The following DIP2C variants were observed in gnomAD, a reference collection of about 807,000 sequenced individuals.
The protein encoded by DIP2C is disco-interacting protein 2 homolog C.
A neutral mutation model predicts 192.4 loss-of-function variants in DIP2C; 33 were observed. The ratio of observed to expected loss-of-function variants is 0.17; its 90% confidence interval spans 0.13 to 0.23. The LOEUF (loss-of-function observed/expected upper bound fraction) is 0.23. DIP2C is among the 10% of genes least tolerant of loss of function. DIP2C has a pLI of 1.00. For synonymous variants in DIP2C, 979 were observed against 864.1 expected, an observed-to-expected ratio of 1.13 and a Z score of -2.33; for missense variants, 1,537 against 2,110.1, an observed-to-expected ratio of 0.73 and a Z score of 5.32.
At chr10:629,900 G>C (rs139640879) in intron 1 of DIP2C, 58 of 152,402 alleles carry the variant, frequency 3.8e-4, no homozygotes, top group African/African-American at 1.3e-3. Flanking sequence ...TGGGGTTCTA[G>C]GAAGAGGCCA....
chr10:455,726 C>T (rs369081631), intron 3 of DIP2C, among the ~76,000 whole-genome samples: 26 of 44,408 alleles, frequency 5.9e-4, no homozygotes, highest in Admixed American at 8.4e-4. Flanking sequence ...GAGGGGAGAC[C>T]GTGAGGAATA....
At chr10:431,530 G>A (rs1457374922) in intron 4 of DIP2C, among the ~76,000 whole-genome samples, 1 of 152,090 alleles carries the variant, frequency 6.6e-6, no homozygotes, top group Non-Finnish European at 1.5e-5. Context: ...CAAGTGTTCT[G>A]CCTGCCTTGG....
intron 19 of DIP2C, among the ~76,000 whole-genome samples, 160 bp from the exon 20 acceptor site, chr10:364,742 A>G (rs905565673): frequency 6.6e-6 from 1 of 152,176 alleles, no homozygotes; most frequent in Admixed American, 6.5e-5. Flanking sequence ...CTGGTGGCCA[A>G]CAGTCTTCGA....
chr10:593,170 G>A lies in DIP2C; in HGVS notation c.85+96324C>T, dbSNP rs573329851. Among the ~76,000 whole-genome samples, 4 of 152,080 alleles carry A rather than the reference G, an allele frequency of 2.6e-5. No homozygotes were observed. In the South Asian group the frequency reaches 8.3e-4, roughly 32 times the overall value. ...GGTCTCCTCTGCCGCCTTCCTGCAG[G>A]ACCAACCCCAGGACACTCACTGGGT... is the stretch of plus-strand genomic sequence containing the variant. On this transcript the variant is annotated intron_variant, in intron 1 of 36. Coordinates refer to ENST00000280886, the MANE Select transcript of DIP2C (RefSeq NM_014974.3).
intron 1 of DIP2C, among the ~76,000 whole-genome samples, chr10:598,862 T>C (rs1468175875): frequency 6.6e-6 from 1 of 152,234 alleles, no homozygotes; most frequent in Non-Finnish European, 1.5e-5. Context: ...ATCAATTATT[T>C]TGAAACATCA....
intron 3 of DIP2C, among the ~76,000 whole-genome samples, chr10:469,590 T>C (rs976339995): frequency 6.6e-6 from 1 of 152,220 alleles, no homozygotes; most frequent in Non-Finnish European, 1.5e-5. Context: ...GTGCTGGGAC[T>C]ACAGGCATGA....
intron 32 of DIP2C, among the ~76,000 whole-genome samples, chr10:296,392 G>A (rs1955754240): frequency 6.6e-6 from 1 of 151,888 alleles, no homozygotes; most frequent in Admixed American, 6.6e-5. Flanking sequence ...GAAACAACAG[G>A]TGCTGGAGAG....
At position 418,069 on chromosome 10, in the gene DIP2C, CACTG is replaced by C. The variant is rs1185014417; in HGVS notation, c.739+992_739+995del. ...CAGGGCTTCGATAGGCCTCCCTGTTCACTGCACCTGTCAGGCCTCAGATAGGCAT... is the reference window on the plus strand; with the variant it reads ...CAGGGCTTCGATAGGCCTCCCTGTTCCACCTGTCAGGCCTCAGATAGGCAT... On this transcript the variant is annotated intron_variant, in intron 6 of 36. Transcript: ENST00000280886. Among the ~76,000 whole-genome samples, 5 of 12,112 alleles carry C rather than the reference CACTG, an allele frequency of 4.1e-4. 1 individual carries two copies. Among genetic ancestry groups the C allele is most frequent in the South Asian group, 5.2e-3 (1 of 194 alleles). 7.9% of individuals were successfully genotyped at this position (12,112 alleles called of 152,430 possible). A position where few individuals can be genotyped will look rare whatever the true frequency, so the allele number is the denominator to read the frequency against.
At chr10:553,888 C>A (rs943532067) in intron 1 of DIP2C, among the ~76,000 whole-genome samples, 1 of 147,890 alleles carries the variant, frequency 6.8e-6, no homozygotes, top group Non-Finnish European at 1.5e-5. Context: ...AAGAAATATA[C>A]CTCATAGAAA....
chr10:447,513 G>A (rs142434447), intron 3 of DIP2C, among the ~76,000 whole-genome samples: 13,641 of 106,800 alleles, frequency 0.13, no homozygotes, highest in Middle Eastern at 0.24. Flanking sequence ...AGCAGGACCC[G>A]CTCACTCCCA....
intron 1 of DIP2C, among the ~76,000 whole-genome samples, chr10:537,868 C>G (rs1847779743): frequency 6.6e-6 from 1 of 151,734 alleles, no homozygotes; most frequent in Non-Finnish European, 1.5e-5. Flanking sequence ...CGGCTCACTG[C>G]AGCCTCCACC....
intron 1 of DIP2C, among the ~76,000 whole-genome samples, chr10:619,541 G>GCCCACCCGCCCACCCTCCCA: frequency 4.1e-4 from 28 of 67,962 alleles, no homozygotes; most frequent in African/African-American, 9.0e-4. Flanking sequence ...CCGCCCGCCC[G>GCCCACCCGCCCACCCTCCCA]CCCTCCCACC....
chr10:651,130 A>AT lies in DIP2C; in HGVS notation c.85+38363dup. The AT allele has an allele frequency of 1.4e-6, 1 of 717,446 alleles. No individual in the cohort carries two copies. The highest frequency in any genetic ancestry group is 2.6e-6 in the Non-Finnish European group (1 of 385,080). 44.4% of individuals were successfully genotyped at this position (717,446 alleles called of 1,614,324 possible). On this transcript the variant is annotated intron_variant, in intron 1 of 36. Coordinates refer to ENST00000280886, the MANE Select transcript of DIP2C (RefSeq NM_014974.3). The surrounding 1 kb of genome is among the most constrained non-coding windows in gnomAD (Gnocchi z 4.1). ...GGCCAGCTCTCGCCACACTCAGTCA[A>AT]TGTCCACTGGGGGCCTCAGGGGCAC...
chr10:345,605 CCA>C (rs1958416241), intron 26 of DIP2C, among the ~76,000 whole-genome samples: 1 of 138,588 alleles, frequency 7.2e-6, no homozygotes, highest in South Asian at 2.4e-4. Context: ...CCCGGAAACC[CCA>C]CACTCACCCA....
intron 32 of DIP2C, among the ~76,000 whole-genome samples, chr10:305,993 ATTATAT>A (rs1956302877): frequency 1.4e-5 from 2 of 142,700 alleles, no homozygotes; most frequent in Non-Finnish European, 3.1e-5. Flanking sequence ...ATATATATAT[ATTATAT>A]TTTTTTCCTA....
intron 1 of DIP2C, among the ~76,000 whole-genome samples, chr10:487,498 C>T (rs1355284498): frequency 6.8e-6 from 1 of 148,002 alleles, no homozygotes; most frequent in Non-Finnish European, 1.5e-5. Flanking sequence ...CCACGGAACA[C>T]AAGGCTGACG....
chr10:328,921 A>C lies in DIP2C; in HGVS notation c.3753+512T>G, dbSNP rs937724547. On this transcript the variant is annotated intron_variant, in intron 30 of 36. Transcript: ENST00000280886. ...AAATGTCCTTGGTTTAAATGGAGGGAAATACTATTATTCTTACATAATAGC... is the reference window on the plus strand; with the variant it reads ...AAATGTCCTTGGTTTAAATGGAGGGCAATACTATTATTCTTACATAATAGC... Among the ~76,000 whole-genome samples, 147 of 152,328 alleles carry C rather than the reference A, an allele frequency of 9.7e-4. 4 individuals carry two copies. The highest frequency in any genetic ancestry group is 3.5e-4 in the Non-Finnish European group (24 of 68,032).
At chr10:480,365 C>T (rs187970342) in intron 2 of DIP2C, among the ~76,000 whole-genome samples, 58 of 148,890 alleles carry the variant, frequency 3.9e-4, no homozygotes, top group Admixed American at 2.6e-3. Flanking sequence ...GCCTGAGCTC[C>T]GGTCCATGCT....
chr10:290,467 C>G (rs2132196690), intron 32 of DIP2C, among the ~76,000 whole-genome samples: 1 of 152,350 alleles, frequency 6.6e-6, no homozygotes, highest in South Asian at 2.1e-4. Context: ...CGGAGAAGCT[C>G]ACAGCCAGAG....
Sources: gnomAD v4.1 joint callset for allele counts (sites outside exome capture counted in the v4.1 genomes callset) on GRCh38, gnomAD v4.1.1 for gene constraint, Gnocchi (gnomAD v3.1) non-coding constraint, MANE v1.5 for transcripts, NCBI Gene and HGNC (gene_info 2026-07-23, HGNC 2026-07-21) for gene names.